Variants in SATB2 observed in about 807,000 individuals in gnomAD.
SATB2 encodes DNA-binding protein SATB2.
SATB2 carries 1 observed loss-of-function variant against 73.4 expected under a neutral mutation model. The observed-to-expected ratio is 0.01, with a 90% CI of 0.00 to 0.06. The LOEUF (loss-of-function observed/expected upper bound fraction) is 0.06. Ranked by LOEUF, SATB2 falls within the 10% of genes least tolerant of loss-of-function variation. The pLI is 1.00. For synonymous variants in SATB2, 397 were observed against 367.0 expected, an observed-to-expected ratio of 1.08 and a Z score of -0.93; for missense variants, 459 against 945.8, an observed-to-expected ratio of 0.49 and a Z score of 6.75.
intron 10 of SATB2, among the ~76,000 whole-genome samples, chr2:199,293,773 C>T (rs1692943044): frequency 1.3e-5 from 2 of 152,056 alleles, no homozygotes; most frequent in Admixed American, 1.3e-4. Flanking sequence ...AGATCACAAA[C>T]CACTGCCATG....
chr2:199,364,682 T>C (rs879434625), intron 6 of SATB2, among the ~76,000 whole-genome samples: 5 of 152,184 alleles, frequency 3.3e-5, no homozygotes, highest in Non-Finnish European at 7.3e-5. Context: ...CCTGTATTTG[T>C]GTAAACTTTC....
intron 8 of SATB2, among the ~76,000 whole-genome samples, 169 bp downstream of exon 8, chr2:199,328,529 A>C (rs1311580320): frequency 1.3e-5 from 2 of 152,182 alleles, no homozygotes; most frequent in Admixed American, 6.5e-5. Flanking sequence ...TGACAAAGCA[A>C]GACTCCATCT....
chr2:199,371,325 C>T (rs1157942990), intron 5 of SATB2, among the ~76,000 whole-genome samples: 3 of 152,060 alleles, frequency 2.0e-5, no homozygotes, highest in African/African-American at 7.2e-5. Context: ...ATGTTAGTGT[C>T]CATTAAATAT....
chr2:199,426,692 C>CAAAAAAAAAAAAAAAAAAAAAAAAAAA (rs200293007), intron 3 of SATB2, among the ~76,000 whole-genome samples: 1 of 128,274 alleles, frequency 7.8e-6, no homozygotes, highest in African/African-American at 3.3e-5. Flanking sequence ...CATTCTCTCT[C>CAAAAAAAAAAAAAAAAAAAAAAAAAAA]AAAAAAAAAA....
chr2:199,405,754 T>C (rs541495138), intron 3 of SATB2, among the ~76,000 whole-genome samples: 2 of 152,040 alleles, frequency 1.3e-5, no homozygotes, highest in East Asian at 1.9e-4. Flanking sequence ...AAACTCCACA[T>C]GCTTATTTCT....
intron 9 of SATB2, among the ~76,000 whole-genome samples, chr2:199,316,031 A>T (rs946247488): frequency 2.0e-5 from 3 of 152,116 alleles, no homozygotes; most frequent in African/African-American, 7.3e-5. Flanking sequence ...AAATGTCAGC[A>T]TATGTAACCA....
At chr2:199,420,951 C>T (rs1333230387) in intron 3 of SATB2, among the ~76,000 whole-genome samples, 1 of 151,964 alleles carries the variant, frequency 6.6e-6, no homozygotes, top group Non-Finnish European at 1.5e-5. Context: ...TCTATAAATG[C>T]TAGCCAATTA....
chr2:199,405,501 A>C (rs949548937), intron 3 of SATB2, among the ~76,000 whole-genome samples: 2 of 152,152 alleles, frequency 1.3e-5, no homozygotes, highest in African/African-American at 2.4e-5. Context: ...GGGAAATACA[A>C]GACTAGGGTG....
At chr2:199,339,706 G>A (rs376178547) in intron 7 of SATB2, among the ~76,000 whole-genome samples, 3 of 152,126 alleles carry the variant, frequency 2.0e-5, no homozygotes, top group Non-Finnish European at 4.4e-5. Flanking sequence ...GAGACCAGAC[G>A]TAGGCTGACA....
At chr2:199,273,248 G>C (rs972976052) in intron 10 of SATB2, among the ~76,000 whole-genome samples, 1 of 152,182 alleles carries the variant, frequency 6.6e-6, no homozygotes, top group African/African-American at 2.4e-5. Context: ...ACTTTGTCAG[G>C]AAAGGGCAAG....
chr2:199,348,996 A>C lies in SATB2; in HGVS notation c.878T>G (p.Met293Arg). 1 of 1,614,146 alleles carries C rather than the reference A, an allele frequency of 6.2e-7. No homozygotes were observed. ...CTGGGGAGAAAGAAGACCAGGGCTC[A>C]TGATGGGCTGTAATGCGGGCACTTG... Reference protein sequence around the residue: ...RNQVPALQPIMSPGLLSPQLS... With the variant: ...RNQVPALQPIRSPGLLSPQLS... Residue 293 changes from methionine to arginine, a missense_variant, in exon 7 of 11, where the codon ATG becomes AGG. Physicochemically the swap from Met to Arg is moderately conservative, Grantham distance 91. Transcript: ENST00000417098.
At chr2:199,393,497 A>G (rs1482535995) in intron 3 of SATB2, among the ~76,000 whole-genome samples, 1 of 152,188 alleles carries the variant, frequency 6.6e-6, no homozygotes, top group African/African-American at 2.4e-5. Context: ...AAGAGCCTCA[A>G]TAGCTGAAAC....
At chr2:199,319,961 A>ACAT (rs1687840876) in intron 9 of SATB2, among the ~76,000 whole-genome samples, 1 of 152,088 alleles carries the variant, frequency 6.6e-6, no homozygotes, top group Non-Finnish European at 1.5e-5. Flanking sequence ...GCCGCAGAAG[A>ACAT]TGTGCCCACA....
chr2:199,371,213 A>C (rs1287071390), intron 5 of SATB2, among the ~76,000 whole-genome samples: 1 of 152,184 alleles, frequency 6.6e-6, no homozygotes, highest in Admixed American at 6.5e-5. Flanking sequence ...AGTTTCATGA[A>C]TATTTTCTAA....
intron 3 of SATB2, among the ~76,000 whole-genome samples, chr2:199,416,090 G>C (rs757344085): frequency 1.3e-5 from 2 of 152,222 alleles, no homozygotes; most frequent in African/African-American, 4.8e-5. Flanking sequence ...CTCAGCAGAA[G>C]TTACATTACA....
At chr2:199,307,729 C>G (rs1456800510) in intron 10 of SATB2, among the ~76,000 whole-genome samples, 2 of 152,182 alleles carry the variant, frequency 1.3e-5, no homozygotes, top group African/African-American at 2.4e-5. Context: ...CTTCTGGCTT[C>G]TCTCCCAAAC....
chr2:199,469,174 A>G (rs941188241), upstream of SATB2, among the ~76,000 whole-genome samples: 1 of 152,182 alleles, frequency 6.6e-6, no homozygotes, highest in Non-Finnish European at 1.5e-5. Flanking sequence ...GGGAGAGCCC[A>G]CTACAGGCAA....
intron 3 of SATB2, among the ~76,000 whole-genome samples, chr2:199,418,306 T>C (rs944391971): frequency 1.3e-5 from 2 of 152,090 alleles, no homozygotes; most frequent in African/African-American, 4.8e-5. Flanking sequence ...TGCACTATAC[T>C]ACAATGCCCT....
At chr2:199,332,294 C>T (rs1437225668) in intron 7 of SATB2, among the ~76,000 whole-genome samples, 1 of 152,016 alleles carries the variant, frequency 6.6e-6, no homozygotes, top group Non-Finnish European at 1.5e-5. Context: ...AACATGTTGA[C>T]TAAAAGGAGC....
Sources: allele counts gnomAD v4.1 joint callset (sites outside exome capture counted in the v4.1 genomes callset), GRCh38; gene constraint gnomAD v4.1.1; transcripts MANE v1.5; gene names NCBI Gene and HGNC (gene_info 2026-07-23, HGNC 2026-07-21).